The following KCNIP2 variants were observed in gnomAD, a reference collection of about 807,000 sequenced individuals.
KCNIP2 encodes the protein potassium voltage-gated channel interacting protein 2.
Under a neutral mutation model 39.0 loss-of-function variants are expected in KCNIP2, and 19 were observed. The ratio of observed to expected loss-of-function variants is 0.49; its 90% CI spans 0.34 to 0.71. The LOEUF (loss-of-function observed/expected upper bound fraction) is 0.71, where lower values mean the gene tolerates loss of function less well. Ranked by LOEUF, KCNIP2 falls within the 30% of genes least tolerant of loss-of-function variation. The probability of loss-of-function intolerance (pLI) is 0.01; values close to 1 mark genes in which losing one functional copy is unlikely to be tolerated. For missense variants in KCNIP2, 261 were observed against 346.0 expected (o/e 0.75, Z 1.95); for synonymous variants, 111 against 131.2 (o/e 0.85, Z 1.05).
chr10:101,832,336 G>GTGTGTGTA (rs2066023885), intron 1 of KCNIP2, among the ~76,000 whole-genome samples: 1 of 142,566 alleles, frequency 7.0e-6, no homozygotes, highest in Non-Finnish European at 1.6e-5. Flanking sequence ...GTGTGTGTGT[G>GTGTGTGTA]TGTGTCTGTG....
intron 1 of KCNIP2, among the ~76,000 whole-genome samples, chr10:101,842,104 A>G (rs2066353814): frequency 6.6e-6 from 1 of 152,118 alleles, no homozygotes; most frequent in African/African-American, 2.4e-5. Context: ...CCAGGTCTCA[A>G]TCTCACTCCC....
intron 3 of KCNIP2, 81 bp from the exon 4 acceptor site, chr10:101,829,280 C>G: frequency 6.8e-7 from 1 of 1,463,614 alleles, no homozygotes; most frequent in Non-Finnish European, 9.1e-7. Context: ...TTCACCCCCT[C>G]CCCGCCCCCC....
At chr10:101,829,285 C>A (rs1407425496) in intron 3 of KCNIP2, 86 bp from the exon 4 acceptor site, 6 of 1,439,208 alleles carry the variant, frequency 4.2e-6, no homozygotes, top group Non-Finnish European at 4.6e-6. Flanking sequence ...CCCCTCCCCG[C>A]CCCCCGGTCC....
chr10:101,837,750 G>GA, intron 1 of KCNIP2, among the ~76,000 whole-genome samples: 1 of 152,154 alleles, frequency 6.6e-6, no homozygotes, highest in East Asian at 1.9e-4. Context: ...TCTCCAATAT[G>GA]TGCGGGGTGT....
chr10:101,836,401 C>T (rs1282736688), intron 1 of KCNIP2, among the ~76,000 whole-genome samples: 1 of 151,852 alleles, frequency 6.6e-6, no homozygotes, highest in African/African-American at 2.4e-5. Flanking sequence ...CCACCACGCC[C>T]AGCTGATTTT....
chr10:101,839,067 A>T (rs2066244020), intron 1 of KCNIP2, among the ~76,000 whole-genome samples: 1 of 152,180 alleles, frequency 6.6e-6, no homozygotes, highest in Non-Finnish European at 1.5e-5. Context: ...CCCTCAACCC[A>T]GTCCTAAAGT....
In KCNIP2 at chr10:101,843,203, A is replaced by AGGTGCT. The variant is rs1164532415; in HGVS notation, c.73+292_73+293insAGCACC. On this transcript the variant is annotated intron_variant, in intron 1 of 9. Transcript: ENST00000356640. This position sits in a 1 kb window ranked among gnomAD's most constrained non-coding sequence, Gnocchi z 6.7. ...TGCGCGCGCACACACACACACACACACAGAATGACAGGTGCTCACGCACGT... is the reference window on the plus strand; with the variant it reads ...TGCGCGCGCACACACACACACACACAGGTGCTCAGAATGACAGGTGCTCACGCACGT... Among the ~76,000 whole-genome samples the AGGTGCT allele has an allele frequency of 2.0e-5, 3 of 152,096 alleles. No individual in the cohort carries two copies. Among genetic ancestry groups the AGGTGCT allele is most frequent in the African/African-American group, 7.2e-5 (3 of 41,390 alleles).
rs780223801 is a variant in KCNIP2, at chr10:101,828,621, C to T, written c.418+6G>A. On this transcript the variant is annotated splice_donor_region_variant and intron_variant, in intron 5 of 9. Coordinates refer to ENST00000356640, the MANE Select transcript of KCNIP2 (RefSeq NM_173191.3). This position sits in a 1 kb window ranked among gnomAD's most constrained non-coding sequence, Gnocchi z 6.6. ...AACTGCTTCCCCTTGGGCCTTGTCC[C>T]CTCACCTCCTTGAGGAAAGAACTGG... The T allele has an allele frequency of 5.0e-6, 8 of 1,613,838 alleles. No individual in the cohort carries two copies. The East Asian group carries it at 1.6e-4, about 31-fold the overall frequency.
chr10:101,840,058 G>A (rs1374288730), intron 1 of KCNIP2, among the ~76,000 whole-genome samples: 1 of 3,572 alleles, frequency 2.8e-4, no homozygotes, highest in Non-Finnish European at 5.6e-4. Context: ...GTTCCTGGAC[G>A]GGGGGGGGGG....
chr10:101,826,357 C>G lies in KCNIP2; in HGVS notation c.*996G>C, dbSNP rs2065749147. 1 of 152,788 alleles carries G rather than the reference C, an allele frequency of 6.5e-6. No homozygotes were observed. Among genetic ancestry groups the G allele is most frequent in the African/African-American group, 2.4e-5 (1 of 41,416 alleles). 9.5% of individuals were successfully genotyped at this position (152,788 alleles called of 1,614,324 possible). On this transcript the variant is annotated 3_prime_UTR_variant, in exon 10 of 10. Coordinates refer to ENST00000356640, the MANE Select transcript of KCNIP2 (RefSeq NM_173191.3). ...CTAGTGAATGCCCCCACACTGGGTT[C>G]AGATGCTATGCCTGCCTCCCTCCTT...
At chr10:101,830,750 C>A (rs1589862677) in intron 2 of KCNIP2, among the ~76,000 whole-genome samples, 1 of 143,270 alleles carries the variant, frequency 7.0e-6, no homozygotes, top group East Asian at 2.1e-4. Context: ...CACACGCAGG[C>A]GTGCGGCACG....
chr10:101,830,944 C>T lies in KCNIP2; in HGVS notation c.169+128G>A, dbSNP rs1053945540. On this transcript the variant is annotated intron_variant, in intron 2 of 9. Coordinates refer to ENST00000356640, the MANE Select transcript of KCNIP2 (RefSeq NM_173191.3). The stretch of plus-strand genomic sequence containing the variant: ...CCCACACACGCAGGCCTGGGGCACG[C>T]CCCCCCACACATGCAGGCCTGGAGC... 34 of 866,840 alleles carry T rather than the reference C, an allele frequency of 3.9e-5. No homozygotes were observed. The African/African-American group carries it at 4.8e-4, about 12-fold the overall frequency. 53.7% of individuals were successfully genotyped at this position (866,840 alleles called of 1,614,324 possible). A position where few individuals can be genotyped will look rare whatever the true frequency, so the allele number is the denominator to read the frequency against.
chr10:101,832,461 T>C (rs1202646900), intron 1 of KCNIP2, among the ~76,000 whole-genome samples: 1 of 152,002 alleles, frequency 6.6e-6, no homozygotes, highest in Admixed American at 6.5e-5. Context: ...TAGTTAAAGG[T>C]TACTCCCCCT....
At chr10:101,836,971 T>A (rs990656344) in intron 1 of KCNIP2, among the ~76,000 whole-genome samples, 76 of 148,296 alleles carry the variant, frequency 5.1e-4, no homozygotes, top group African/African-American at 1.4e-3. Context: ...AAAAAAAAAA[T>A]AATAATAATT....
intron 1 of KCNIP2, among the ~76,000 whole-genome samples, chr10:101,837,376 T>G (rs2066195274): frequency 6.6e-6 from 1 of 151,966 alleles, no homozygotes; most frequent in African/African-American, 2.4e-5. Flanking sequence ...ACATGCTAAT[T>G]AAGAATGAGT....
chr10:101,829,804 C>CGCCCT (rs1465859683), intron 3 of KCNIP2, 40 bp downstream of exon 3: 1 of 1,116,690 alleles, frequency 9.0e-7, no homozygotes, highest in African/African-American at 1.9e-5. Context: ...ATGGCAAAGC[C>CGCCCT]GCCCTGCCCC....
At chr10:101,842,740 A>T (rs1393343084) in intron 1 of KCNIP2, among the ~76,000 whole-genome samples, 2 of 152,174 alleles carry the variant, frequency 1.3e-5, no homozygotes, top group African/African-American at 4.8e-5. Context: ...AAAGACCCCT[A>T]TCTGTACCAG....
In KCNIP2 at chr10:101,843,469, C is replaced by T. The variant is rs554108436; in HGVS notation, c.73+27G>A. 2.7e-6 allele frequency: 4 copies of T among 1,485,684 alleles called. No individual in the cohort carries two copies. In the South Asian group the frequency reaches 5.2e-5, roughly 19 times the overall value. 92.0% of individuals were successfully genotyped at this position (1,485,684 alleles called of 1,614,324 possible). A position where few individuals can be genotyped will look rare whatever the true frequency, so the allele number is the denominator to read the frequency against. The stretch of plus-strand genomic sequence containing the variant: ...TGGAGGAATGGAATCCACCCTCCCT[C>T]CCGCGACCCCCACGTCACTGACTCA... On this transcript the variant is annotated intron_variant, in intron 1 of 9. Transcript: ENST00000356640. This position sits in a 1 kb window ranked among gnomAD's most constrained non-coding sequence, Gnocchi z 6.7.
chr10:101,831,249 T>C, intron 1 of KCNIP2, 82 bp from the exon 2 acceptor site: 1 of 1,080,630 alleles, frequency 9.3e-7, no homozygotes, highest in Non-Finnish European at 1.3e-6. Flanking sequence ...CAGTCACAAA[T>C]CAACCCCATC....
Sources: allele counts gnomAD v4.1 joint callset (sites outside exome capture counted in the v4.1 genomes callset), GRCh38; gene constraint gnomAD v4.1.1; non-coding constraint Gnocchi (gnomAD v3.1); transcripts MANE v1.5; gene names NCBI Gene and HGNC (gene_info 2026-07-23, HGNC 2026-07-21).